PLCB4: variants seen among roughly 807,000 people sequenced by gnomAD.
The protein encoded by PLCB4 is phospholipase C beta 4, also known as 1-phosphatidylinositol 4,5-bisphosphate phosphodiesterase beta-4.
Under a neutral mutation model 178.8 loss-of-function variants are expected in PLCB4, and 77 were observed. That is an observed-to-expected ratio of 0.43 (90% CI 0.36 to 0.52). The LOEUF (loss-of-function observed/expected upper bound fraction) is 0.52, where lower values mean the gene tolerates loss of function less well. Ranked by LOEUF, PLCB4 falls within the 20% of genes least tolerant of loss-of-function variation. The pLI, the probability that PLCB4 is intolerant of heterozygous loss-of-function variation, is 0.00. For synonymous variants in PLCB4, 496 were observed against 490.8 expected, an observed-to-expected ratio of 1.01 and a Z score of -0.14; for missense variants, 1,024 against 1,453.4, an observed-to-expected ratio of 0.70 and a Z score of 4.80.
At chr20:9,144,433 T>G (rs150615904) in intron 2 of PLCB4, among the ~76,000 whole-genome samples, 1 of 152,022 alleles carries the variant, frequency 6.6e-6, no homozygotes, top group African/African-American at 2.4e-5. Flanking sequence ...ACTTTAAGGT[T>G]AAAACAATCC....
chr20:9,303,378 T>C (rs1011404774), intron 3 of PLCB4, among the ~76,000 whole-genome samples: 1 of 152,232 alleles, frequency 6.6e-6, no homozygotes, highest in Non-Finnish European at 1.5e-5. Flanking sequence ...ACTGTTCTGC[T>C]CTCTGCTTTT....
chr20:9,246,242 G>A (rs1290750157), intron 3 of PLCB4, among the ~76,000 whole-genome samples: 2 of 151,890 alleles, frequency 1.3e-5, no homozygotes, highest in African/African-American at 4.8e-5. Flanking sequence ...ATGAAGCCCT[G>A]TGCATAAAAA....
chr20:9,239,695 A>ACAGT (rs1205881277), intron 3 of PLCB4, among the ~76,000 whole-genome samples: 1 of 152,196 alleles, frequency 6.6e-6, no homozygotes, highest in Non-Finnish European at 1.5e-5. Context: ...ATTGACTCAC[A>ACAGT]CAGTCACAAG....
At chr20:9,220,277 A>G (rs1344554139) in intron 3 of PLCB4, among the ~76,000 whole-genome samples, 1 of 152,198 alleles carries the variant, frequency 6.6e-6, no homozygotes, top group Non-Finnish European at 1.5e-5. Context: ...TGGAAGATAC[A>G]CTGTTCTTCT....
intron 4 of PLCB4, 21 bp from the exon 5 acceptor site, chr20:9,337,105 C>T: frequency 6.6e-7 from 1 of 1,526,390 alleles, no homozygotes; most frequent in South Asian, 1.1e-5. Context: ...TCATGAAGAT[C>T]AACACATTTC....
intron 7 of PLCB4, among the ~76,000 whole-genome samples, chr20:9,349,851 C>T (rs946006876): frequency 6.6e-6 from 1 of 152,126 alleles, no homozygotes; most frequent in Non-Finnish European, 1.5e-5. Context: ...TTTCCAGTGC[C>T]AGCAAAAAAT....
intron 2 of PLCB4, among the ~76,000 whole-genome samples, chr20:9,204,740 G>A (rs1304306137): frequency 6.6e-6 from 1 of 152,090 alleles, no homozygotes; most frequent in Non-Finnish European, 1.5e-5. Flanking sequence ...TAAAGAGACT[G>A]CCACTGGATG....
At chr20:9,431,290 C>T (rs2041376500) in intron 28 of PLCB4, among the ~76,000 whole-genome samples, 1 of 151,930 alleles carries the variant, frequency 6.6e-6, no homozygotes, top group South Asian at 2.1e-4. Context: ...TATAGCGACA[C>T]TAGTGATTGG....
intron 13 of PLCB4, among the ~76,000 whole-genome samples, chr20:9,383,913 C>G (rs1345323719): frequency 1.3e-5 from 2 of 152,120 alleles, no homozygotes; most frequent in Non-Finnish European, 1.5e-5. Flanking sequence ...CCCCTGGACC[C>G]CTGGTCACCA....
At chr20:9,131,303 C>T (rs1359823944) in intron 2 of PLCB4, among the ~76,000 whole-genome samples, 2 of 152,108 alleles carry the variant, frequency 1.3e-5, no homozygotes, top group African/African-American at 4.8e-5. Context: ...TTCCTTGCTT[C>T]CTTCCTTCTT....
intron 2 of PLCB4, among the ~76,000 whole-genome samples, chr20:9,118,413 A>C (rs2091855031): frequency 6.6e-6 from 1 of 152,010 alleles, no homozygotes; most frequent in South Asian, 2.1e-4. Flanking sequence ...AAATAACTTT[A>C]AAAAGTTAAA....
At chr20:9,246,742 A>G (rs1280480748) in intron 3 of PLCB4, among the ~76,000 whole-genome samples, 1 of 152,134 alleles carries the variant, frequency 6.6e-6, no homozygotes, top group African/African-American at 2.4e-5. Flanking sequence ...TTCTCTTGTC[A>G]TATATGATCC....
In PLCB4 at chr20:9,423,868, C is replaced by A. The variant is rs745489184; in HGVS notation, c.2440C>A (p.Arg814=). Residue 814 remains arginine, a synonymous_variant, in exon 28 of 40, where the codon CGA becomes AGA. Transcript: ENST00000378473. ...LQAGYRHISL[R]NEGNKPLSLP... is the part of the protein sequence containing the mutation. ...AGCCGGATATCGACACATTTCCCTTCGAAATGAGGGAAATAAACCATTATC... is the reference window on the plus strand; with the variant it reads ...AGCCGGATATCGACACATTTCCCTTAGAAATGAGGGAAATAAACCATTATC... The A allele has an allele frequency of 3.1e-6, 5 of 1,612,536 alleles. No individual in the cohort carries two copies. In the South Asian group the frequency reaches 4.4e-5, roughly 14 times the overall value.
At chr20:9,178,181 T>C (rs1568901169) in intron 2 of PLCB4, among the ~76,000 whole-genome samples, 1 of 152,076 alleles carries the variant, frequency 6.6e-6, no homozygotes, top group East Asian at 1.9e-4. Context: ...ATTAGCTGGC[T>C]GTGGTGGCGG....
At chr20:9,069,753 T>G (rs529402396) in intron 1 of PLCB4, among the ~76,000 whole-genome samples, 1 of 152,220 alleles carries the variant, frequency 6.6e-6, no homozygotes, top group Non-Finnish European at 1.5e-5. Context: ...TACTTCTGAG[T>G]GTAGACTTCG....
intron 3 of PLCB4, among the ~76,000 whole-genome samples, chr20:9,254,631 G>A (rs1302005381): frequency 3.3e-5 from 5 of 152,180 alleles, no homozygotes; most frequent in African/African-American, 9.7e-5. Context: ...CTGGGAGTTG[G>A]AGGTTGCAGT....
rs528769979 is a variant in PLCB4, at chr20:9,453,393, T to C, written c.2927T>C (p.Ile976Thr). ...TTACACTGCACGCAAGTTGACAAAA[T>C]TGTGGCACAGTATGACAAAGAGAAG... is the stretch of plus-strand genomic sequence containing the variant. ...QKLHCTQVDK[I>T]VAQYDKEKST... is the part of the protein sequence containing the mutation. Residue 976 changes from isoleucine to threonine, a missense_variant, in exon 33 of 40, where the codon ATT (isoleucine) becomes ACT (threonine). By Grantham distance (89) the Ile-to-Thr change is moderately conservative. This residue lies in a region of PLCB4 where 264 missense variants were observed against 283.2 expected (regional missense o/e 0.93). Coordinates refer to ENST00000378473, the MANE Select transcript of PLCB4 (RefSeq NM_001377142.1). 2 of 1,613,260 alleles carry C rather than the reference T, an allele frequency of 1.2e-6. No homozygotes were observed. The highest frequency in any genetic ancestry group is 1.7e-6 in the Non-Finnish European group (2 of 1,179,570).
chr20:9,221,410 C>G (rs1335941770), intron 3 of PLCB4, among the ~76,000 whole-genome samples: 1 of 152,146 alleles, frequency 6.6e-6, no homozygotes, highest in African/African-American at 2.4e-5. Context: ...TGGTACCATC[C>G]CTTAGCAGCA....
chr20:9,157,120 C>T (rs1307440945), intron 2 of PLCB4, among the ~76,000 whole-genome samples: 1 of 151,524 alleles, frequency 6.6e-6, no homozygotes, highest in Non-Finnish European at 1.5e-5. Context: ...TATGAAGTAA[C>T]TTCCCCAGTG....
Sources: allele counts gnomAD v4.1 joint callset (sites outside exome capture counted in the v4.1 genomes callset), GRCh38; gene constraint gnomAD v4.1.1; regional missense constraint gnomAD v4.1.1; transcripts MANE v1.5; gene names NCBI Gene and HGNC (gene_info 2026-07-23, HGNC 2026-07-21).